PSEN2: variants seen among roughly 807,000 people sequenced by gnomAD.
PSEN2 encodes presenilin-2.
In PSEN2, 32 loss-of-function variants were observed where a neutral mutation model predicts 49.1. That is an observed-to-expected ratio of 0.65 (90% CI 0.49 to 0.88). PSEN2 has a LOEUF of 0.88. PSEN2 is among the 40% of genes least tolerant of loss of function. PSEN2 has a pLI of 0.00. For missense variants in PSEN2, 522 were observed against 586.9 expected (o/e 0.89, Z 1.14); for synonymous variants, 255 against 244.0 (o/e 1.05, Z -0.42).
chr1:226,894,513 A>G (rs1264382043), intron 12 of PSEN2, among the ~76,000 whole-genome samples: 2 of 152,224 alleles, frequency 1.3e-5, no homozygotes, highest in African/African-American at 4.8e-5. Context: ...GCGCAAAGCT[A>G]GTGAGGACCA....
chr1:226,882,489 G>C (rs1023721644), intron 4 of PSEN2, among the ~76,000 whole-genome samples: 2 of 152,156 alleles, frequency 1.3e-5, no homozygotes, highest in Non-Finnish European at 2.9e-5. Context: ...GGATATTTGG[G>C]CTTCACTGTG....
At position 226,894,014 on chromosome 1, in the gene PSEN2, G is replaced by A; in HGVS notation, c.1080G>A (p.Val360=). ...CTGTCTCTCCTCACACAGGGGGCGT[G>A]AAGCTTGGCCTCGGGGACTTCATCT... ...EELEEEEERG[V]KLGLGDFIFY... Residue 360 remains valine (V), a synonymous_variant, in exon 12 of 13, where the codon GTG becomes GTA. Coordinates refer to ENST00000366783, the MANE Select transcript of PSEN2 (RefSeq NM_000447.3). 1 of 1,614,042 alleles carries A rather than the reference G, an allele frequency of 6.2e-7. No individual in the cohort carries two copies. Among genetic ancestry groups the A allele is most frequent in the East Asian group, 2.2e-5 (1 of 44,890 alleles).
Position 226,888,142 on chromosome 1 carries a change from A to G in PSEN2, c.550A>G (p.Thr184Ala). 2.5e-6 allele frequency: 4 copies of G among 1,612,918 alleles called. No homozygotes were observed. In the Admixed American group the frequency reaches 5.0e-5, roughly 20 times the overall value. ...MSSLMLLFLF[T>A]YIYLGEVLKT... ...TTCACTGATGCTGCTGTTCCTCTTC[A>G]CCTATATCTACCTTGGGTAAGTGAC... The change falls in exon 7 of 13, where the codon ACC (threonine) becomes GCC (alanine). Residue 184 changes from threonine to alanine, a missense_variant. By Grantham distance (58) the Thr-to-Ala change is moderately conservative. Transcript: ENST00000366783.
In PSEN2 at chr1:226,875,966, T is replaced by C. The variant is rs1571937201; in HGVS notation, c.-21+416T>C. 3.3e-5 allele frequency among the ~76,000 whole-genome samples: 5 copies of C among 152,344 alleles called. No homozygotes were observed. The South Asian group carries it at 1.0e-3, about 32-fold the overall frequency. On this transcript the variant is annotated intron_variant, in intron 3 of 12. Coordinates refer to ENST00000366783, the MANE Select transcript of PSEN2 (RefSeq NM_000447.3). ...TTGGAAGGCTTTCCAGAACGTAGTC[T>C]ATGTTGGACACTTCCTTCTGCCTCT...
At chr1:226,885,713 C>G (rs1661318565) in intron 6 of PSEN2, 34 bp downstream of exon 6, 1 of 1,601,550 alleles carries the variant, frequency 6.2e-7, no homozygotes, top group East Asian at 2.2e-5. Context: ...AGCCACGCTT[C>G]TCTCCGTCTG....
intron 8 of PSEN2, among the ~76,000 whole-genome samples, chr1:226,889,676 T>C (rs1184234648): frequency 6.6e-6 from 1 of 152,264 alleles, no homozygotes; most frequent in Non-Finnish European, 1.5e-5. Flanking sequence ...TTGGGTACCA[T>C]GCATATACAT....
intron 7 of PSEN2, 117 bp downstream of exon 7, chr1:226,888,275 T>C: frequency 1.0e-6 from 1 of 986,442 alleles, no homozygotes; most frequent in Admixed American, 1.8e-5. Flanking sequence ...TCTTCCCCAG[T>C]GCCAGCCGTT....
chr1:226,895,562 C>A lies in PSEN2; in HGVS notation c.1330C>A (p.His444Asn). The A allele has an allele frequency of 6.2e-7, 1 of 1,612,832 alleles. No individual in the cohort carries two copies. Among genetic ancestry groups the A allele is most frequent in the South Asian group, 1.1e-5 (1 of 90,682 alleles). Reference sequence around the variant, plus strand: ...GCCGTTCATGGACACCCTGGCCTCCCATCAGCTCTACATCTGAGGGACATG... The same window carrying A: ...GCCGTTCATGGACACCCTGGCCTCCAATCAGCTCTACATCTGAGGGACATG... ...VRPFMDTLAS[H>N]QLYI The change falls in exon 13 of 13, where the codon CAT becomes AAT. Residue 444 changes from histidine to asparagine, a missense_variant. Coordinates refer to ENST00000366783, the MANE Select transcript of PSEN2 (RefSeq NM_000447.3).
Position 226,871,720 on chromosome 1 carries a change from G to GCAGACAC in PSEN2, c.-207+318_-207+324dup, listed in dbSNP as rs1252455788. ...CTCTGATGCCTCTGTAGCCAATTCT[G>GCAGACAC]CAGACACCTGAGCCTCCAAGGCCTT... On this transcript the variant is annotated intron_variant, in intron 2 of 12. Transcript: ENST00000366783. Among the ~76,000 whole-genome samples the GCAGACAC allele has an allele frequency of 7.2e-5, 11 of 152,364 alleles. No individual in the cohort carries two copies. In the South Asian group the frequency reaches 2.1e-3, roughly 29 times the overall value.
intron 11 of PSEN2, 54 bp from the exon 12 acceptor site, chr1:226,893,953 T>C (rs1661929047): frequency 6.7e-7 from 1 of 1,487,210 alleles, no homozygotes; most frequent in African/African-American, 1.4e-5. Context: ...TTTCTCTTCT[T>C]TTTCCATTCT....
chr1:226,880,867 C>T (rs992133106), intron 3 of PSEN2: 5 of 1,399,864 alleles, frequency 3.6e-6, no homozygotes, highest in Non-Finnish European at 4.9e-6. Context: ...CACACGTCTG[C>T]TCTCATGGCT....
intron 2 of PSEN2, among the ~76,000 whole-genome samples, chr1:226,874,977 C>G (rs1213114112): frequency 6.6e-6 from 1 of 152,200 alleles, no homozygotes; most frequent in Non-Finnish European, 1.5e-5. Flanking sequence ...CACTTCCCCA[C>G]AAACCACCCT....
intron 3 of PSEN2, among the ~76,000 whole-genome samples, chr1:226,876,232 C>T (rs1267196587): frequency 1.3e-5 from 2 of 152,226 alleles, no homozygotes; most frequent in South Asian, 4.1e-4. Context: ...TTCAGAGCAC[C>T]AGCAGGCTTC....
In PSEN2 at chr1:226,874,887, G is replaced by A. The variant is rs182226938; in HGVS notation, c.-206-478G>A. On this transcript the variant is annotated intron_variant, in intron 2 of 12. Coordinates refer to ENST00000366783, the MANE Select transcript of PSEN2 (RefSeq NM_000447.3). ...GTCTCCAAAGCCTCTGCTTTTGACC[G>A]CTGACTTGCTGCTGCTTGTTTAAAA... 8.9e-3 allele frequency among the ~76,000 whole-genome samples: 1,348 copies of A among 152,256 alleles called. 6 individuals are homozygous for A. Among genetic ancestry groups the A allele is most frequent in the Non-Finnish European group, 0.013 (880 of 68,022 alleles).
chr1:226,871,508 A>G (rs1431965929), intron 2 of PSEN2, 104 bp downstream of exon 2: 2 of 152,222 alleles, frequency 1.3e-5, no homozygotes, highest in Non-Finnish European at 2.9e-5. Flanking sequence ...CTTAATAAGT[A>G]TTCCCTTTGA....
At chr1:226,901,178 G>A (rs1407064136), downstream of PSEN2, among the ~76,000 whole-genome samples, 1 of 152,190 alleles carries the variant, frequency 6.6e-6, no homozygotes, top group South Asian at 2.1e-4. Flanking sequence ...GCTCACACCT[G>A]TAATCCCAGC....
In PSEN2 at chr1:226,895,454, G is replaced by C; in HGVS notation, c.1222G>C (p.Val408Leu). 6.2e-7 allele frequency: 1 copy of C among 1,614,070 alleles called. No individual in the cohort carries two copies. Among genetic ancestry groups the C allele is most frequent in the Non-Finnish European group, 8.5e-7 (1 of 1,180,018 alleles). Reference sequence around the variant, plus strand: ...GTGTCTGACCCTCCTGCTGCTTGCTGTGTTCAAGAAGGCGCTGCCCGCCCT... The same window carrying C: ...GTGTCTGACCCTCCTGCTGCTTGCTCTGTTCAAGAAGGCGCTGCCCGCCCT... ...GLCLTLLLLA[V>L]FKKALPALPI... is the part of the protein sequence containing the mutation. Residue 408 changes from valine (V) to leucine (L), a missense_variant, in exon 13 of 13, where the codon GTG becomes CTG. By Grantham distance (32) the Val-to-Leu change is conservative. Transcript: ENST00000366783.
downstream of PSEN2, chr1:226,899,049 A>C (rs1333959488): frequency 6.6e-6 from 1 of 152,170 alleles, no homozygotes; most frequent in Non-Finnish European, 1.5e-5. Flanking sequence ...ATGCATTGCA[A>C]ATGTCTGGTA....
intron 3 of PSEN2, among the ~76,000 whole-genome samples, chr1:226,876,659 A>C (rs1380385885): frequency 1.3e-5 from 2 of 152,244 alleles, no homozygotes; most frequent in East Asian, 3.8e-4. Flanking sequence ...TTTTATAAGG[A>C]CATTCAGATG....
Sources: gnomAD v4.1 joint callset for allele counts (sites outside exome capture counted in the v4.1 genomes callset) on GRCh38, gnomAD v4.1.1 for gene constraint, MANE v1.5 for transcripts, NCBI Gene and HGNC (gene_info 2026-07-23, HGNC 2026-07-21) for gene names.